FBN2: variants seen among roughly 807,000 people sequenced by gnomAD.
FBN2 encodes the protein fibrillin-2.
In FBN2, 105 loss-of-function variants were observed where a neutral mutation model predicts 355.6. That is an observed-to-expected ratio of 0.30 (90% CI 0.25 to 0.35). FBN2 has a LOEUF of 0.35. FBN2 is among the 10% of genes least tolerant of loss of function. FBN2 has a pLI of 1.00. For missense variants in FBN2, 3,280 were observed against 3,758.7 expected (o/e 0.87, Z 3.33); for synonymous variants, 1,350 against 1,301.2 (o/e 1.04, Z -0.81).
At chr5:128,428,096 A>G (rs1753528263) in intron 7 of FBN2, among the ~76,000 whole-genome samples, 1 of 152,058 alleles carries the variant, frequency 6.6e-6, no homozygotes, top group South Asian at 2.1e-4. Context: ...TACATCTGGA[A>G]TTCAACCACT....
chr5:128,303,170 A>T, intron 45 of FBN2, 81 bp from the exon 46 acceptor site: 2 of 824,864 alleles, frequency 2.4e-6, no homozygotes, highest in Admixed American at 3.5e-5. Flanking sequence ...TGTTTAACTT[A>T]TGGAATTACT....
In FBN2 at chr5:128,345,435, C is replaced by T. The variant is rs149691045; in HGVS notation, c.3139G>A (p.Glu1047Lys). The T allele has an allele frequency of 3.7e-6, 6 of 1,614,156 alleles. No homozygotes were observed. The highest frequency in any genetic ancestry group is 5.1e-6 in the Non-Finnish European group (6 of 1,180,022). The change falls in exon 24 of 65, where the codon GAA (glutamate) becomes AAA (lysine). Residue 1047 changes from glutamate (E) to lysine (K), a missense_variant. Coordinates refer to ENST00000262464, the MANE Select transcript of FBN2 (RefSeq NM_001999.4). The stretch of plus-strand genomic sequence containing the variant: ...CCGCGGGGGCACAGCGTCTCGTATT[C>T]CTTGGTGCCAGGTTTGGGGCACTCC... ...CEECPKPGTK[E>K]YETLCPRGAG...
At chr5:128,417,532 A>G (rs1753236677) in intron 7 of FBN2, among the ~76,000 whole-genome samples, 1 of 151,982 alleles carries the variant, frequency 6.6e-6, no homozygotes, top group African/African-American at 2.4e-5. Context: ...CCTTCTATGC[A>G]TAGTTTGTGG....
At chr5:128,260,077 G>C (rs772151126) in intron 64 of FBN2, among the ~76,000 whole-genome samples, 20 of 151,990 alleles carry the variant, frequency 1.3e-4, no homozygotes, top group Non-Finnish European at 1.0e-4. Context: ...GCCTTAACAA[G>C]GTAATTAAAG....
At chr5:128,468,174 T>C (rs1045594702) in intron 5 of FBN2, among the ~76,000 whole-genome samples, 1 of 152,202 alleles carries the variant, frequency 6.6e-6, no homozygotes, top group Admixed American at 6.5e-5. Flanking sequence ...GGACAATTAA[T>C]ATAAGTGAAA....
At chr5:128,520,834 C>T (rs561922059) in intron 4 of FBN2, among the ~76,000 whole-genome samples, 3 of 152,258 alleles carry the variant, frequency 2.0e-5, no homozygotes, top group African/African-American at 4.8e-5. Context: ...GCTTCTTTAC[C>T]TATCTCCAGC....
At chr5:128,288,378 G>A (rs1749218188) in intron 53 of FBN2, 60 bp downstream of exon 53, 1 of 1,565,510 alleles carries the variant, frequency 6.4e-7, no homozygotes, top group Non-Finnish European at 8.8e-7. Context: ...TAAATATTGA[G>A]ACATTAAAAA....
At chr5:128,533,070 C>A (rs1226039181) in intron 2 of FBN2, among the ~76,000 whole-genome samples, 1 of 152,148 alleles carries the variant, frequency 6.6e-6, no homozygotes, top group Non-Finnish European at 1.5e-5. Context: ...TGAATAGTGT[C>A]AAATACTGTG....
In FBN2 at chr5:128,273,967, GTC is replaced by G; in HGVS notation, c.7712-1_7712del. The G allele has an allele frequency of 6.2e-7, 1 of 1,613,816 alleles. No individual in the cohort carries two copies. ...AAGGTTGAGACCCACATTCGTTGTT[GTC>G]TGGCAAAGCATCAAGAAGCAGAGCG... On this transcript the variant is annotated splice_acceptor_variant and coding_sequence_variant, in exon 61 of 65. Transcript: ENST00000262464. LOFTEE classifies it high-confidence loss of function.
intron 48 of FBN2, among the ~76,000 whole-genome samples, chr5:128,294,990 T>C (rs1749461393): frequency 1.3e-5 from 2 of 150,442 alleles, no homozygotes; most frequent in South Asian, 4.3e-4. Context: ...AAGTCTTTAA[T>C]CCATCTTGGA....
chr5:128,526,623 A>G (rs1756569437), intron 4 of FBN2, among the ~76,000 whole-genome samples: 1 of 152,134 alleles, frequency 6.6e-6, no homozygotes, highest in South Asian at 2.1e-4. Context: ...AGTATAACAA[A>G]CCAGTCACCC....
Position 128,361,790 on chromosome 5 carries a change from C to T in FBN2, c.2487G>A (p.Thr829=), listed in dbSNP as rs779455710. 5.6e-6 allele frequency: 9 copies of T among 1,614,024 alleles called. No homozygotes were observed. In the South Asian group the frequency reaches 8.8e-5, roughly 16 times the overall value. Residue 829 remains threonine (T), a synonymous_variant, in exon 19 of 65, where the codon ACG becomes ACA. Coordinates refer to ENST00000262464, the MANE Select transcript of FBN2 (RefSeq NM_001999.4). ...GGCACGTACAGCTGTAACTTCCTGG[C>T]GTGTTTCGGCACAATCCGTTATCAC... is the stretch of plus-strand genomic sequence containing the variant. The part of the protein sequence containing the change: ...LLCDNGLCRN[T]PGSYSCTCPP...
intron 5 of FBN2, among the ~76,000 whole-genome samples, chr5:128,482,145 G>A (rs1426526237): frequency 2.0e-5 from 3 of 151,974 alleles, no homozygotes; most frequent in Non-Finnish European, 4.4e-5. Flanking sequence ...AAAAACCATA[G>A]TCAAAATATA....
intron 8 of FBN2, among the ~76,000 whole-genome samples, chr5:128,401,210 C>A (rs959178864): frequency 1.3e-5 from 2 of 152,108 alleles, no homozygotes; most frequent in Non-Finnish European, 2.9e-5. Context: ...CATTCTATAC[C>A]AATCCCCAGA....
Position 128,393,095 on chromosome 5 carries a change from G to A in FBN2, c.1465+40C>T, listed in dbSNP as rs774800100. The A allele has an allele frequency of 9.7e-6, 14 of 1,438,928 alleles. No individual in the cohort carries two copies. The African/African-American group carries it at 1.7e-4, about 17-fold the overall frequency. The allele number at this position is 1,438,928 out of a possible 1,614,324, so 89.1% of individuals were successfully genotyped here. On this transcript the variant is annotated intron_variant, in intron 10 of 64. Transcript: ENST00000262464. ...GTTAGATATTATAATGTCACTTGAG[G>A]CAGGAAACTAAAGAGTCCACAGGAA...
intron 7 of FBN2, among the ~76,000 whole-genome samples, chr5:128,440,630 G>A (rs965418023): frequency 3.9e-5 from 6 of 152,152 alleles, no homozygotes; most frequent in African/African-American, 7.2e-5. Flanking sequence ...GGGTGGGGAC[G>A]TAGGGCCAAG....
intron 48 of FBN2, among the ~76,000 whole-genome samples, chr5:128,298,660 G>T (rs1749609383): frequency 1.3e-5 from 2 of 152,132 alleles, no homozygotes; most frequent in South Asian, 4.2e-4. Flanking sequence ...TCTTCACGTA[G>T]TTCTCGAGCC....
chr5:128,526,856 C>T (rs551159673), intron 4 of FBN2, among the ~76,000 whole-genome samples: 1 of 152,206 alleles, frequency 6.6e-6, no homozygotes, highest in East Asian at 1.9e-4. Flanking sequence ...CTGAACTATA[C>T]ACTTAAAAGT....
intron 7 of FBN2, among the ~76,000 whole-genome samples, chr5:128,441,080 G>T (rs1753904643): frequency 6.6e-6 from 1 of 152,022 alleles, no homozygotes; most frequent in African/African-American, 2.4e-5. Context: ...AGGCTCAAGT[G>T]AAGAAACAGA....
Sources: gnomAD v4.1 joint callset for allele counts (sites outside exome capture counted in the v4.1 genomes callset) on GRCh38, gnomAD v4.1.1 for gene constraint, MANE v1.5 for transcripts, NCBI Gene and HGNC (gene_info 2026-07-23, HGNC 2026-07-21) for gene names.